The following ARID5B variants were observed in gnomAD, a reference collection of about 807,000 sequenced individuals.
ARID5B encodes the protein AT-rich interaction domain 5B.
Under a neutral mutation model 97.2 loss-of-function variants are expected in ARID5B, and 13 were observed. The observed-to-expected ratio is 0.13, with a 90% CI of 0.09 to 0.21. The LOEUF (loss-of-function observed/expected upper bound fraction) is 0.21. Ranked by LOEUF, ARID5B falls within the 10% of genes least tolerant of loss-of-function variation. ARID5B has a pLI of 1.00. For synonymous variants in ARID5B, 556 were observed against 570.3 expected, an observed-to-expected ratio of 0.97 and a Z score of 0.36; for missense variants, 1,210 against 1,465.3, an observed-to-expected ratio of 0.83 and a Z score of 2.84.
At chr10:62,081,081 G>A (rs1177215144) in intron 8 of ARID5B, among the ~76,000 whole-genome samples, 3 of 152,154 alleles carry the variant, frequency 2.0e-5, no homozygotes, top group Admixed American at 6.5e-5. Flanking sequence ...GGGATTACAG[G>A]CGTGAGCTAC....
At chr10:61,938,048 C>G (rs1194360209) in intron 2 of ARID5B, among the ~76,000 whole-genome samples, 1 of 151,942 alleles carries the variant, frequency 6.6e-6, no homozygotes, top group African/African-American at 2.4e-5. Context: ...TATGTGAATT[C>G]CTGCATTTGT....
Position 61,954,654 on chromosome 10 carries a change from C to T in ARID5B, c.502+14246C>T, listed in dbSNP as rs181815823. 9.0e-4 allele frequency among the ~76,000 whole-genome samples: 137 copies of T among 152,228 alleles called. 1 individual carries two copies. The highest frequency in any genetic ancestry group is 1.3e-3 in the Admixed American group (20 of 15,298). On this transcript the variant is annotated intron_variant, in intron 3 of 9. Transcript: ENST00000279873. ...ATGTGCATGAGTAGGTGTGTGAATA[C>T]GCTTGTGTGTTTGTGAAATCATCCC...
chr10:62,041,972 T>C (rs887264535), intron 4 of ARID5B, among the ~76,000 whole-genome samples: 14 of 152,124 alleles, frequency 9.2e-5, no homozygotes, highest in African/African-American at 3.4e-4. Flanking sequence ...TTATTGATTG[T>C]AACAAAAAGA....
chr10:61,999,582 A>G (rs1839048568), intron 3 of ARID5B, among the ~76,000 whole-genome samples: 1 of 152,202 alleles, frequency 6.6e-6, no homozygotes, highest in Non-Finnish European at 1.5e-5. Flanking sequence ...CCAGCCCAGG[A>G]AAAGATGAAA....
chr10:61,938,074 T>G (rs1844337202), intron 2 of ARID5B, among the ~76,000 whole-genome samples: 1 of 152,232 alleles, frequency 6.6e-6, no homozygotes, highest in Non-Finnish European at 1.5e-5. Context: ...TGTGTGTGTG[T>G]GTATTCATGA....
Position 62,091,414 on chromosome 10 carries a change from G to C in ARID5B, c.1951G>C (p.Val651Leu), listed in dbSNP as rs1840370306. 6.2e-7 allele frequency: 1 copy of C among 1,613,150 alleles called. No homozygotes were observed. The highest frequency in any genetic ancestry group is 8.5e-7 in the Non-Finnish European group (1 of 1,179,384). ...CAAGCAGACCCCAAAGGTCCTTGTG[G>C]TCCAGTCGTTTGACATGTTCAAAGA... ...ALKQTPKVLV[V>L]QSFDMFKDKD... The change falls in exon 10 of 10, where the codon GTC becomes CTC. Residue 651 changes from valine to leucine, a missense_variant. Physicochemically the swap from Val to Leu is conservative, Grantham distance 32. Transcript: ENST00000279873.
intron 4 of ARID5B, among the ~76,000 whole-genome samples, chr10:62,022,878 A>C (rs901842906): frequency 6.6e-6 from 1 of 152,250 alleles, no homozygotes; most frequent in Non-Finnish European, 1.5e-5. Context: ...CTTTAACTGG[A>C]GTACAAGGTT....
intron 8 of ARID5B, among the ~76,000 whole-genome samples, chr10:62,078,416 G>A (rs1046469897): frequency 6.6e-6 from 1 of 152,216 alleles, no homozygotes; most frequent in Non-Finnish European, 1.5e-5. Context: ...CTGAGTCCAG[G>A]AAGTTAAGGC....
chr10:62,086,601 C>T (rs1407666506), intron 9 of ARID5B, among the ~76,000 whole-genome samples: 2 of 147,132 alleles, frequency 1.4e-5, no homozygotes, highest in Non-Finnish European at 3.0e-5. Flanking sequence ...CTTGGGAGGC[C>T]AAGGCAGGAG....
chr10:61,915,775 A>C lies in ARID5B; in HGVS notation c.276+13362A>C, dbSNP rs1251570550. Among the ~76,000 whole-genome samples the C allele has an allele frequency of 3.3e-5, 5 of 152,248 alleles. No individual in the cohort carries two copies. In the East Asian group the frequency reaches 9.6e-4, roughly 29 times the overall value. On this transcript the variant is annotated intron_variant, in intron 2 of 9. Coordinates refer to ENST00000279873, the MANE Select transcript of ARID5B (RefSeq NM_032199.3). The stretch of plus-strand genomic sequence containing the variant: ...TGTTTTTTGTTTGTTTGTTTGTTTG[A>C]GACAGAGTCTCGCTCTGTCGCCCAG...
intron 2 of ARID5B, among the ~76,000 whole-genome samples, chr10:61,936,321 A>T (rs1281592787): frequency 2.0e-5 from 3 of 152,264 alleles, no homozygotes; most frequent in Non-Finnish European, 4.4e-5. Context: ...TATACATTTT[A>T]AAAGTTTATT....
intron 7 of ARID5B, among the ~76,000 whole-genome samples, chr10:62,067,470 C>G (rs1840009233): frequency 6.6e-6 from 1 of 152,194 alleles, no homozygotes; most frequent in African/African-American, 2.4e-5. Flanking sequence ...TAATTCAACC[C>G]ACTACCTTAA....
At chr10:62,087,256 G>A (rs1564648444) in intron 9 of ARID5B, among the ~76,000 whole-genome samples, 7 of 4,992 alleles carry the variant, frequency 1.4e-3, no homozygotes, top group African/African-American at 3.9e-3. Flanking sequence ...CCGAGATCAG[G>A]CCACTGCACT....
At chr10:62,081,083 G>A (rs1200515012) in intron 8 of ARID5B, among the ~76,000 whole-genome samples, 1 of 152,148 alleles carries the variant, frequency 6.6e-6, no homozygotes, top group Non-Finnish European at 1.5e-5. Context: ...GATTACAGGC[G>A]TGAGCTACCA....
chr10:61,940,521 T>G, intron 3 of ARID5B, 113 bp downstream of exon 3: 5 of 948,230 alleles, frequency 5.3e-6, no homozygotes, highest in Non-Finnish European at 7.8e-6. Flanking sequence ...TCAAATTTCT[T>G]TAACCTCAAA....
intron 3 of ARID5B, among the ~76,000 whole-genome samples, chr10:61,995,057 T>C (rs1439019485): frequency 1.3e-5 from 2 of 152,210 alleles, no homozygotes; most frequent in Non-Finnish European, 2.9e-5. Flanking sequence ...TCATTTTCTG[T>C]TGACTGAAGT....
At chr10:61,987,335 A>G (rs1057172192) in intron 3 of ARID5B, among the ~76,000 whole-genome samples, 3 of 152,210 alleles carry the variant, frequency 2.0e-5, no homozygotes, top group African/African-American at 7.2e-5. Context: ...TTAAAAATCT[A>G]TCATGTGCTT....
intron 4 of ARID5B, among the ~76,000 whole-genome samples, chr10:62,026,790 G>A (rs1243362565): frequency 6.6e-6 from 1 of 152,130 alleles, no homozygotes; most frequent in Admixed American, 6.5e-5. Flanking sequence ...AATTGATTAT[G>A]TCTCTTTCAC....
At position 62,092,306 on chromosome 10, in the gene ARID5B, G is replaced by T. The variant is rs1378000234; in HGVS notation, c.2843G>T (p.Arg948Leu). Residue 948 changes from arginine to leucine, a missense_variant, in exon 10 of 10, where the codon CGA becomes CTA. Arg to Leu is a moderately radical substitution (Grantham distance 102, BLOSUM62 -2). This residue lies in a region of ARID5B where 800 missense variants were observed against 839.1 expected (regional missense o/e 0.95). Coordinates refer to ENST00000279873, the MANE Select transcript of ARID5B (RefSeq NM_032199.3). ...TTCCAGGTCTTAGGCAGCCAGAGTC[G>T]AGACTGTCACCCCAAAGCCTGTCGG... ...SQFQVLGSQS[R>L]DCHPKACRVS... 5 of 1,609,964 alleles carry T rather than the reference G, an allele frequency of 3.1e-6. No individual in the cohort carries two copies. The highest frequency in any genetic ancestry group is 3.4e-6 in the Non-Finnish European group (4 of 1,178,164).
Sources: allele counts gnomAD v4.1 joint callset (sites outside exome capture counted in the v4.1 genomes callset), GRCh38; gene constraint gnomAD v4.1.1; regional missense constraint gnomAD v4.1.1; transcripts MANE v1.5; gene names NCBI Gene and HGNC (gene_info 2026-07-23, HGNC 2026-07-21).